DCAF10: variants seen among roughly 807,000 people sequenced by gnomAD.
DCAF10 encodes the protein DDB1- and CUL4-associated factor 10.
A neutral mutation model predicts 51.9 loss-of-function variants in DCAF10; 19 were observed. The ratio of observed to expected loss-of-function variants is 0.37; its 90% confidence interval spans 0.26 to 0.54. The LOEUF is 0.54. Among genes scored for constraint, DCAF10 ranks in the 20% least tolerant of loss-of-function variants. The pLI is 0.87. For missense variants in DCAF10, 510 were observed against 730.6 expected (o/e 0.70, Z 3.48); for synonymous variants, 291 against 297.1 (o/e 0.98, Z 0.21).
rs1564059552 is a variant in DCAF10 at position 37,867,590 on chromosome 9, T to C, written c.*6082T>C. The C allele has an allele frequency of 6.6e-6, 1 of 152,052 alleles. No individual in the cohort carries two copies. The allele number at this position is 152,052 out of a possible 1,614,324, so 9.4% of individuals were successfully genotyped here. A position where few individuals can be genotyped will look rare whatever the true frequency, so the allele number is the denominator to read the frequency against. The stretch of plus-strand genomic sequence containing the variant: ...CTCCTTGAGGGCAGAGACTGTTTTA[T>C]TTATTCTTGTATCCTCAGTGCCTGG... On this transcript the variant is annotated 3_prime_UTR_variant, in exon 7 of 7. Coordinates refer to ENST00000377724, the MANE Select transcript of DCAF10 (RefSeq NM_024345.5).
chr9:37,822,442 T>TATATATATA (rs1829734628), intron 2 of DCAF10, among the ~76,000 whole-genome samples: 1 of 129,176 alleles, frequency 7.7e-6, no homozygotes, highest in Non-Finnish European at 1.6e-5. Context: ...TATATATATA[T>TATATATATA]GATGGAATAT....
intron 3 of DCAF10, among the ~76,000 whole-genome samples, chr9:37,844,199 A>T (rs1394542276): frequency 2.0e-5 from 3 of 152,362 alleles, no homozygotes; most frequent in South Asian, 2.1e-4. Context: ...TATTAACAGC[A>T]TTCTCTCATT....
intron 5 of DCAF10, among the ~76,000 whole-genome samples, chr9:37,859,170 A>T (rs894964749): frequency 2.0e-5 from 3 of 152,240 alleles, no homozygotes; most frequent in African/African-American, 7.2e-5. Flanking sequence ...ATGATGTAGT[A>T]ATCTGAAGGG....
intron 3 of DCAF10, among the ~76,000 whole-genome samples, chr9:37,853,710 C>T (rs1196693094): frequency 6.6e-6 from 1 of 151,960 alleles, no homozygotes; most frequent in Non-Finnish European, 1.5e-5. Context: ...AGGCTCAAAC[C>T]ATCCTCGCAC....
Position 37,821,090 on chromosome 9 carries a change from C to CAT in DCAF10, c.653+1703_653+1704dup, listed in dbSNP as rs144524647. ...CTAAGATAATTGTTGCATATACAAA[C>CAT]ATATATATATATATACACACACACA... is the stretch of plus-strand genomic sequence containing the variant. On this transcript the variant is annotated intron_variant, in intron 2 of 6. Coordinates refer to ENST00000377724, the MANE Select transcript of DCAF10 (RefSeq NM_024345.5). 9.9e-3 allele frequency among the ~76,000 whole-genome samples: 1,492 copies of CAT among 150,418 alleles called. 21 individuals carry two copies. Among genetic ancestry groups the CAT allele is most frequent in the African/African-American group, 0.033 (1,335 of 40,910 alleles).
rs1315217841 is a variant in DCAF10, at chr9:37,800,951, G to A, written c.85G>A (p.Ala29Thr). The A allele has an allele frequency of 6.7e-7, 1 of 1,501,838 alleles. No individual in the cohort carries two copies. Among genetic ancestry groups the A allele is most frequent in the Non-Finnish European group, 8.8e-7 (1 of 1,132,818 alleles). The allele number at this position is 1,501,838 out of a possible 1,614,324, so 93.0% of individuals were successfully genotyped here. Residue 29 changes from alanine to threonine, a missense_variant, in exon 1 of 7, where the codon GCA becomes ACA. Coordinates refer to ENST00000377724, the MANE Select transcript of DCAF10 (RefSeq NM_024345.5). ...GGAGCCGACGCCCCACGAGGGGCAGGCAGCAGCCACCGGGCCGCCCTCGCC... is the reference window on the plus strand; with the variant it reads ...GGAGCCGACGCCCCACGAGGGGCAGACAGCAGCCACCGGGCCGCCCTCGCC... ...AEEPTPHEGQ[A>T]AATGPPSPLH...
chr9:37,843,172 C>G (rs1467198092), intron 3 of DCAF10, among the ~76,000 whole-genome samples: 1 of 151,978 alleles, frequency 6.6e-6, no homozygotes, highest in African/African-American at 2.4e-5. Context: ...CATGAGCCAC[C>G]ATGCCCACCT....
chr9:37,803,268 G>T (rs1218446932), intron 1 of DCAF10, among the ~76,000 whole-genome samples: 1 of 151,994 alleles, frequency 6.6e-6, no homozygotes, highest in Non-Finnish European at 1.5e-5. Context: ...ATTTGTGTAT[G>T]TTTATTTTAA....
chr9:37,860,265 A>G, intron 6 of DCAF10, 72 bp downstream of exon 6: 1 of 1,579,732 alleles, frequency 6.3e-7, no homozygotes, highest in Non-Finnish European at 8.6e-7. Flanking sequence ...TGCAGAGCTT[A>G]GGCCGATCGC....
intron 2 of DCAF10, among the ~76,000 whole-genome samples, chr9:37,823,678 A>G (rs1251106867): frequency 6.6e-6 from 1 of 152,148 alleles, no homozygotes; most frequent in Non-Finnish European, 1.5e-5. Flanking sequence ...CTAATCACAT[A>G]TGTAATTTTT....
intron 2 of DCAF10, chr9:37,836,391 A>G: frequency 6.2e-7 from 1 of 1,608,904 alleles, no homozygotes; most frequent in Non-Finnish European, 8.5e-7. Flanking sequence ...AGAAGAAAGC[A>G]AGTCTTAAAG....
At chr9:37,841,988 TC>T in intron 2 of DCAF10, 100 bp from the exon 3 acceptor site, 4 of 1,102,874 alleles carry the variant, frequency 3.6e-6, no homozygotes, top group Non-Finnish European at 5.1e-6. Context: ...GTCCTTTTTT[TC>T]TTTCTTTCTT....
chr9:37,839,065 C>CT (rs138919253), intron 2 of DCAF10, among the ~76,000 whole-genome samples: 9,396 of 148,738 alleles, frequency 0.063, 992 homozygotes, highest in African/African-American at 0.22. Context: ...TTTTCTTTTT[C>CT]TTTTTTTTGA....
In DCAF10 at chr9:37,829,270, T is replaced by C. The variant is rs1409265947; in HGVS notation, c.653+9869T>C. 6.6e-6 allele frequency among the ~76,000 whole-genome samples: 1 copy of C among 152,028 alleles called. No individual in the cohort carries two copies. The highest frequency in any genetic ancestry group is 2.4e-5 in the African/African-American group (1 of 41,378). ...GCCTGACCAACATGGAGAAACCCCG[T>C]CTCTACTAAAAATACAAAAATTAGC... On this transcript the variant is annotated intron_variant, in intron 2 of 6. Transcript: ENST00000377724. This position sits in a 1 kb window ranked among gnomAD's most constrained non-coding sequence, Gnocchi z 4.2.
At chr9:37,817,520 C>T (rs1297950595) in intron 1 of DCAF10, among the ~76,000 whole-genome samples, 1 of 152,008 alleles carries the variant, frequency 6.6e-6, no homozygotes, top group Non-Finnish European at 1.5e-5. Context: ...ATCACTTGAA[C>T]CAGGGAGGTG....
chr9:37,821,602 C>T (rs1829702067), intron 2 of DCAF10, among the ~76,000 whole-genome samples: 2 of 152,156 alleles, frequency 1.3e-5, no homozygotes, highest in Admixed American at 6.5e-5. Context: ...TAACTGGATT[C>T]TCATCTCTCA....
intron 2 of DCAF10, among the ~76,000 whole-genome samples, chr9:37,834,762 T>A (rs1294410775): frequency 6.6e-6 from 1 of 152,084 alleles, no homozygotes; most frequent in Non-Finnish European, 1.5e-5. Context: ...TTTTAGAAAA[T>A]ATTTTTTGTA....
intron 2 of DCAF10, among the ~76,000 whole-genome samples, chr9:37,828,711 A>G (rs1829924080): frequency 6.6e-6 from 1 of 152,214 alleles, no homozygotes; most frequent in Non-Finnish European, 1.5e-5. Context: ...AGACCTGTGT[A>G]TCTATAAAAA....
intron 3 of DCAF10, among the ~76,000 whole-genome samples, chr9:37,848,726 C>T (rs1219432665): frequency 1.4e-5 from 2 of 145,724 alleles, no homozygotes; most frequent in African/African-American, 2.6e-5. Flanking sequence ...AATCCCAGCA[C>T]TTTGGGAGGC....
Sources: gnomAD v4.1 joint callset for allele counts (sites outside exome capture counted in the v4.1 genomes callset) on GRCh38, gnomAD v4.1.1 for gene constraint, Gnocchi (gnomAD v3.1) non-coding constraint, MANE v1.5 for transcripts, NCBI Gene and HGNC (gene_info 2026-07-23, HGNC 2026-07-21) for gene names.